DPP6: variants seen among roughly 807,000 people sequenced by gnomAD.
DPP6 encodes A-type potassium channel modulatory protein DPP6.
DPP6 carries 69 observed loss-of-function variants against 122.6 expected under a neutral mutation model. That is an observed-to-expected ratio of 0.56 (90% CI 0.46 to 0.69). The LOEUF (loss-of-function observed/expected upper bound fraction) is 0.69, where lower values mean the gene tolerates loss of function less well. DPP6 is among the 30% of genes least tolerant of loss of function. The pLI is 0.00. For synonymous variants in DPP6, 418 were observed against 433.1 expected, an observed-to-expected ratio of 0.97 and a Z score of 0.43; for missense variants, 928 against 1,116.9, an observed-to-expected ratio of 0.83 and a Z score of 2.41.
the DPP6 span, among the ~76,000 whole-genome samples, chr7:153,880,757 A>T: frequency 1.3e-5 from 2 of 152,242 alleles, no homozygotes; most frequent in South Asian, 4.2e-4. Flanking sequence ...CCTGAGATGA[A>T]CCTGAAATAC....
the DPP6 span, among the ~76,000 whole-genome samples, chr7:153,757,873 C>T: frequency 1.3e-5 from 2 of 152,140 alleles, no homozygotes; most frequent in Admixed American, 6.5e-5. Flanking sequence ...GCAGGAGAAT[C>T]GCTTGAACCC....
chr7:154,847,322 G>T (rs1802020286), intron 16 of DPP6, among the ~76,000 whole-genome samples: 1 of 152,202 alleles, frequency 6.6e-6, no homozygotes, highest in Admixed American at 6.5e-5. Context: ...TAGCCATGTG[G>T]TAGAAATATC....
Position 154,483,887 on chromosome 7 carries a change from G to T in DPP6, c.457+8850G>T, listed in dbSNP as rs868260278. On this transcript the variant is annotated intron_variant, in intron 3 of 25. Transcript: ENST00000377770. This position sits in a 1 kb window ranked among gnomAD's most constrained non-coding sequence, Gnocchi z 8.1. ...TTTTTGTATTTTTAGCAGAGACAGG[G>T]TTTCCCCATATTGCTCAGGCTGGTC... Among the ~76,000 whole-genome samples the T allele has an allele frequency of 6.6e-6, 1 of 152,126 alleles. No homozygotes were observed. Among genetic ancestry groups the T allele is most frequent in the Admixed American group, 6.5e-5 (1 of 15,272 alleles).
the DPP6 span, among the ~76,000 whole-genome samples, chr7:153,748,178 C>G: frequency 2.2e-4 from 34 of 152,294 alleles, no homozygotes; most frequent in African/African-American, 6.7e-4. Context: ...CCTGTGCTAA[C>G]GAGCCCGGGT....
At chr7:153,756,328 A>G in the DPP6 span, among the ~76,000 whole-genome samples, 163 of 151,580 alleles carry the variant, frequency 1.1e-3, no homozygotes, top group Middle Eastern at 3.4e-3. Flanking sequence ...AGGTAATTTC[A>G]TTTAGTCCTC....
At chr7:153,836,493 A>G in the DPP6 span, among the ~76,000 whole-genome samples, 2 of 152,306 alleles carry the variant, frequency 1.3e-5, no homozygotes, top group South Asian at 2.1e-4. Context: ...CATAAAGGAC[A>G]TTATATAATT....
At chr7:154,663,378 C>G (rs1586839544) in intron 6 of DPP6, among the ~76,000 whole-genome samples, 1 of 48,244 alleles carries the variant, frequency 2.1e-5, no homozygotes, top group African/African-American at 4.0e-5. Context: ...AGATGAATCA[C>G]CATGGCGTAT....
chr7:154,023,711 A>G, intron 1 of DPP6, among the ~76,000 whole-genome samples: 1 of 151,960 alleles, frequency 6.6e-6, no homozygotes, highest in Non-Finnish European at 1.5e-5. Context: ...CGAACTCCTG[A>G]TCTCAGGTGA....
intron 1 of DPP6, among the ~76,000 whole-genome samples, chr7:154,252,606 A>G (rs1235418393): frequency 6.6e-6 from 1 of 152,242 alleles, no homozygotes; most frequent in Non-Finnish European, 1.5e-5. Flanking sequence ...ATTCCTGATC[A>G]GTTGTGGCTG....
At chr7:154,599,618 C>T (rs962391610) in intron 5 of DPP6, among the ~76,000 whole-genome samples, 9 of 151,484 alleles carry the variant, frequency 5.9e-5, no homozygotes, top group African/African-American at 2.2e-4. Flanking sequence ...TGTGCTGCAC[C>T]CATTAACTCG....
intron 7 of DPP6, among the ~76,000 whole-genome samples, chr7:154,706,555 G>A (rs1840839995): frequency 6.6e-6 from 1 of 152,178 alleles, no homozygotes; most frequent in African/African-American, 2.4e-5. Context: ...GCACAGCCTT[G>A]GGCAGGGCCT....
chr7:154,866,471 G>A (rs1368972426), intron 17 of DPP6, among the ~76,000 whole-genome samples: 6 of 152,230 alleles, frequency 3.9e-5, no homozygotes, highest in Non-Finnish European at 7.3e-5. Context: ...ATGCCTGTGA[G>A]GGAGAGTGCG....
chr7:154,404,225 G>A (rs1458209933), intron 1 of DPP6, among the ~76,000 whole-genome samples: 1 of 152,104 alleles, frequency 6.6e-6, no homozygotes. Context: ...GACTGTAATT[G>A]GTACTCAAGG....
chr7:154,701,980 C>T (rs1586918258), intron 7 of DPP6, among the ~76,000 whole-genome samples: 1 of 152,236 alleles, frequency 6.6e-6, no homozygotes, highest in Admixed American at 6.5e-5. Context: ...TTGAGCAGGT[C>T]TGTTGGGACC....
chr7:154,665,656 A>C (rs1396975759), intron 6 of DPP6, among the ~76,000 whole-genome samples: 1 of 151,900 alleles, frequency 6.6e-6, no homozygotes, highest in Non-Finnish European at 1.5e-5. Flanking sequence ...GCTCATTGCT[A>C]CTGGGGTGTC....
intron 1 of DPP6, among the ~76,000 whole-genome samples, chr7:154,410,507 A>C (rs1276726741): frequency 1.3e-5 from 2 of 152,196 alleles, no homozygotes; most frequent in African/African-American, 4.8e-5. Flanking sequence ...CTGTGCATGC[A>C]TTTGATAGTA....
the DPP6 span, among the ~76,000 whole-genome samples, chr7:153,809,904 T>C: frequency 1.3e-5 from 2 of 150,038 alleles, no homozygotes; most frequent in Non-Finnish European, 1.5e-5. Context: ...AAATTATTCA[T>C]GTGTTAGGGA....
intron 16 of DPP6, among the ~76,000 whole-genome samples, chr7:154,820,053 C>A (rs1012491177): frequency 2.6e-5 from 4 of 152,180 alleles, no homozygotes; most frequent in African/African-American, 9.7e-5. Context: ...TGCAAGAGGC[C>A]CCCTCATCCC....
chr7:154,195,895 G>C (rs1798842021), intron 1 of DPP6, among the ~76,000 whole-genome samples: 1 of 152,136 alleles, frequency 6.6e-6, no homozygotes, highest in South Asian at 2.1e-4. Flanking sequence ...TTCCACCTGT[G>C]CCTCGTTCTT....
Sources: gnomAD v4.1 joint callset for allele counts (sites outside exome capture counted in the v4.1 genomes callset) on GRCh38, gnomAD v4.1.1 for gene constraint, Gnocchi (gnomAD v3.1) non-coding constraint, MANE v1.5 for transcripts, NCBI Gene and HGNC (gene_info 2026-07-23, HGNC 2026-07-21) for gene names.